ATL2: variants seen among roughly 807,000 people sequenced by gnomAD.
ATL2 encodes atlastin-2.
In ATL2, 31 loss-of-function variants were observed where a neutral mutation model predicts 73.9. The observed-to-expected ratio is 0.42, with a 90% CI of 0.32 to 0.57. The LOEUF (loss-of-function observed/expected upper bound fraction) is 0.57, where lower values mean the gene tolerates loss of function less well. Ranked by LOEUF, ATL2 falls within the 20% of genes least tolerant of loss-of-function variation. ATL2 has a pLI of 0.14. For synonymous variants in ATL2, 291 were observed against 237.5 expected (o/e 1.23, Z -2.07); for missense variants, 738 against 702.6 (o/e 1.05, Z -0.57).
At chr2:38,318,423 G>A (rs979975687) in intron 4 of ATL2, 112 bp downstream of exon 4, 6 of 705,940 alleles carry the variant, frequency 8.5e-6, no homozygotes, top group East Asian at 5.9e-5. Context: ...CCGAGATCAC[G>A]CCACTGTACT....
chr2:38,316,127 A>G (rs567936609), intron 4 of ATL2, among the ~76,000 whole-genome samples: 1 of 152,240 alleles, frequency 6.6e-6, no homozygotes, highest in East Asian at 1.9e-4. Context: ...AACCAGGGTG[A>G]CTCCGAAGAG....
intron 1 of ATL2, among the ~76,000 whole-genome samples, chr2:38,348,780 A>T (rs1670171348): frequency 1.3e-5 from 2 of 151,998 alleles, no homozygotes; most frequent in Non-Finnish European, 2.9e-5. Flanking sequence ...TCATCTGACA[A>T]AGGGCTAATA....
chr2:38,293,972 C>T lies in ATL2; in HGVS notation c.*2022G>A, dbSNP rs1666746306. On this transcript the variant is annotated 3_prime_UTR_variant, in exon 13 of 13. Coordinates refer to ENST00000378954, the MANE Select transcript of ATL2 (RefSeq NM_001135673.4). ...GATTTTATAACTTTTTAAAAGTAAG[C>T]TGTCTTTAATTTCAGAAAATCTGCT... 6.6e-6 allele frequency among the ~76,000 whole-genome samples: 1 copy of T among 152,208 alleles called. No individual in the cohort carries two copies. Among genetic ancestry groups the T allele is most frequent in the African/African-American group, 2.4e-5 (1 of 41,450 alleles).
chr2:38,365,293 G>A (rs2124480202), intron 1 of ATL2, among the ~76,000 whole-genome samples: 1 of 152,222 alleles, frequency 6.6e-6, no homozygotes, highest in East Asian at 1.9e-4. Flanking sequence ...CAATACTCTG[G>A]AAATTTAGAC....
intron 2 of ATL2, among the ~76,000 whole-genome samples, chr2:38,322,942 C>T (rs982297293): frequency 6.6e-6 from 1 of 152,128 alleles, no homozygotes; most frequent in African/African-American, 2.4e-5. Context: ...TTCTTTAAAA[C>T]GTGTAAAAGT....
intron 1 of ATL2, among the ~76,000 whole-genome samples, chr2:38,371,207 A>AG (rs1671669903): frequency 1.3e-5 from 2 of 151,880 alleles, no homozygotes; most frequent in Non-Finnish European, 2.9e-5. Context: ...TTAAAAAAAA[A>AG]AAAAAGAAAG....
At chr2:38,354,116 C>T (rs988418148) in intron 1 of ATL2, 9 of 408,114 alleles carry the variant, frequency 2.2e-5, no homozygotes, top group African/African-American at 9.2e-5. Context: ...CACTTGAACC[C>T]GGGAGGTTGC....
At chr2:38,351,270 C>T (rs1670321257) in intron 1 of ATL2, among the ~76,000 whole-genome samples, 1 of 151,980 alleles carries the variant, frequency 6.6e-6, no homozygotes. Context: ...TTTATTCTAG[C>T]ACATATTTTT....
chr2:38,343,177 AAGATATAGTTCTGG>A, intron 2 of ATL2, 77 bp downstream of exon 2: 23 of 541,588 alleles, frequency 4.2e-5, no homozygotes, highest in Non-Finnish European at 5.9e-5. Context: ...AAAAAAAAAA[AAGATATAGTTCTGG>A]TTTTTGTCTA....
intron 1 of ATL2, among the ~76,000 whole-genome samples, chr2:38,346,664 G>T (rs1489603745): frequency 2.0e-5 from 3 of 152,140 alleles, no homozygotes; most frequent in Non-Finnish European, 4.4e-5. Flanking sequence ...TCACAATAAG[G>T]TTCGCGCTCC....
chr2:38,342,929 G>A (rs188973496), intron 2 of ATL2, among the ~76,000 whole-genome samples: 9 of 150,924 alleles, frequency 6.0e-5, no homozygotes, highest in Middle Eastern at 6.8e-3. Flanking sequence ...AATTAAAAAT[G>A]CAGTTCTGTC....
At chr2:38,317,169 A>T (rs1305146430) in intron 4 of ATL2, among the ~76,000 whole-genome samples, 1 of 152,006 alleles carries the variant, frequency 6.6e-6, no homozygotes, top group Non-Finnish European at 1.5e-5. Context: ...AAAATCCAAG[A>T]CACTGTGACA....
intron 1 of ATL2, among the ~76,000 whole-genome samples, chr2:38,365,457 C>T (rs961939651): frequency 1.3e-5 from 2 of 151,992 alleles, no homozygotes; most frequent in African/African-American, 2.4e-5. Flanking sequence ...GAGTTCAAGG[C>T]CAGCCTTGGC....
chr2:38,315,768 GAGTATAC>G (rs1186943637), intron 4 of ATL2, among the ~76,000 whole-genome samples: 1 of 152,160 alleles, frequency 6.6e-6, no homozygotes, highest in Non-Finnish European at 1.5e-5. Context: ...GGTACAATCA[GAGTATAC>G]AGTTACTCAG....
intron 1 of ATL2, among the ~76,000 whole-genome samples, chr2:38,359,816 G>C (rs75670530): frequency 6.6e-6 from 1 of 152,092 alleles, no homozygotes; most frequent in South Asian, 2.1e-4. Flanking sequence ...ACCTGAATAT[G>C]TAAGTGTACT....
chr2:38,331,465 C>T lies in ATL2; in HGVS notation c.363+11803G>A, dbSNP rs146430674. On this transcript the variant is annotated intron_variant, in intron 2 of 12. Transcript: ENST00000378954. ...AAAAAAAAAAAAAAAAAAAAATTAG[C>T]CGGGCATGGCAGCGCATGCCTGTAG... is the stretch of plus-strand genomic sequence containing the variant. 6.8e-3 allele frequency among the ~76,000 whole-genome samples: 973 copies of T among 142,406 alleles called. 12 individuals carry two copies. Among genetic ancestry groups the T allele is most frequent in the East Asian group, 0.056 (278 of 4,998 alleles). 93.4% of individuals were successfully genotyped at this position (142,406 alleles called of 152,430 possible). A position where few individuals can be genotyped will look rare whatever the true frequency, so the allele number is the denominator to read the frequency against.
In ATL2 at chr2:38,357,330, A is replaced by G. The variant is rs1327427175; in HGVS notation, c.119-13818T>C. Among the ~76,000 whole-genome samples the G allele has an allele frequency of 5.9e-5, 9 of 151,958 alleles. 1 individual carries two copies. Among genetic ancestry groups the G allele is most frequent in the Non-Finnish European group, 1.2e-4 (8 of 67,990 alleles). On this transcript the variant is annotated intron_variant, in intron 1 of 12. Transcript: ENST00000378954. ...CAACAGAGGAAGACTCCGTCTCAAA[A>G]ATAAATAAATAAAATAAAAAGTTTA...
At chr2:38,349,830 T>C (rs1261611156) in intron 1 of ATL2, among the ~76,000 whole-genome samples, 3 of 152,172 alleles carry the variant, frequency 2.0e-5, no homozygotes, top group Non-Finnish European at 4.4e-5. Context: ...TGTGTCTACA[T>C]ATTTGTCACC....
chr2:38,307,233 C>G (rs1180627315), intron 9 of ATL2, among the ~76,000 whole-genome samples: 2 of 152,082 alleles, frequency 1.3e-5, no homozygotes, highest in Non-Finnish European at 2.9e-5. Context: ...TGGCAGCTGC[C>G]TGTAATCCCA....
Sources: allele counts gnomAD v4.1 joint callset (sites outside exome capture counted in the v4.1 genomes callset), GRCh38; gene constraint gnomAD v4.1.1; transcripts MANE v1.5; gene names NCBI Gene and HGNC (gene_info 2026-07-23, HGNC 2026-07-21).